The following SLC66A2 variants were observed in gnomAD, a reference collection of about 807,000 sequenced individuals.
SLC66A2 encodes solute carrier family 66 member 2.
Under a neutral mutation model 25.5 loss-of-function variants are expected in SLC66A2, and 23 were observed. The ratio of observed to expected loss-of-function variants is 0.90; its 90% CI spans 0.65 to 1.28. The LOEUF is 1.28. Among genes scored for constraint, SLC66A2 ranks in the 50% most tolerant of loss-of-function variants. SLC66A2 has a pLI of 0.00. For missense variants in SLC66A2, 396 were observed against 373.1 expected, an observed-to-expected ratio of 1.06 and a Z score of -0.51; for synonymous variants, 193 against 166.5, an observed-to-expected ratio of 1.16 and a Z score of -1.23.
chr18:79,924,172 G>T (rs988145397), intron 4 of SLC66A2, among the ~76,000 whole-genome samples: 1 of 152,196 alleles, frequency 6.6e-6, no homozygotes, highest in Non-Finnish European at 1.5e-5. Context: ...GGCACGAGGC[G>T]AGGCAGCTGA....
At chr18:79,938,004 A>G (rs1232041557) in intron 3 of SLC66A2, among the ~76,000 whole-genome samples, 2 of 152,066 alleles carry the variant, frequency 1.3e-5, no homozygotes, top group Admixed American at 6.6e-5. Context: ...TGCCAGACAC[A>G]GGGGCTCACA....
Position 79,950,804 on chromosome 18 carries a change from G to GCGAATGTCC in SLC66A2, c.114_122dup (p.Asp39_Arg41dup). On this transcript the variant is annotated inframe_insertion, in exon 2 of 6. Coordinates refer to ENST00000397778, the MANE Select transcript of SLC66A2 (RefSeq NM_025078.5). The stretch of plus-strand genomic sequence containing the variant: ...AGAAGCCGTCGGCGTTCTGCGTCCT[G>GCGAATGTCC]CGAATGTCCCGATACTGCGGGACGT... The GCGAATGTCC allele has an allele frequency of 6.2e-7, 1 of 1,613,110 alleles. No individual in the cohort carries two copies. Among genetic ancestry groups the GCGAATGTCC allele is most frequent in the East Asian group, 2.2e-5 (1 of 44,874 alleles).
chr18:79,945,919 G>A (rs1361223142), intron 2 of SLC66A2, among the ~76,000 whole-genome samples: 1 of 152,214 alleles, frequency 6.6e-6, no homozygotes, highest in Non-Finnish European at 1.5e-5. Context: ...GGTGACGCTG[G>A]GCAAGCATCT....
At chr18:79,933,173 C>G (rs915043600) in intron 4 of SLC66A2, among the ~76,000 whole-genome samples, 1 of 152,136 alleles carries the variant, frequency 6.6e-6, no homozygotes, top group African/African-American at 2.4e-5. Flanking sequence ...AGTACATCAT[C>G]ATAGTAGAAT....
rs1233091879 is a variant in SLC66A2, at chr18:79,951,574, T to C, written c.-100+7A>G. On this transcript the variant is annotated splice_region_variant and intron_variant, in intron 1 of 5. Transcript: ENST00000397778. ...CGAGGACCCCGCGCCGCCCCCGCGCTCCTTACCTGCGCCCCCAGCCCCGCG... is the reference window on the plus strand; with the variant it reads ...CGAGGACCCCGCGCCGCCCCCGCGCCCCTTACCTGCGCCCCCAGCCCCGCG... 1.3e-5 allele frequency: 2 copies of C among 150,736 alleles called. No individual in the cohort carries two copies. The highest frequency in any genetic ancestry group is 6.6e-5 in the Admixed American group (1 of 15,114). 9.3% of individuals were successfully genotyped at this position (150,736 alleles called of 1,614,324 possible). A position where few individuals can be genotyped will look rare whatever the true frequency, so the allele number is the denominator to read the frequency against.
intron 2 of SLC66A2, among the ~76,000 whole-genome samples, chr18:79,946,983 C>A (rs553562474): frequency 6.6e-6 from 1 of 152,100 alleles, no homozygotes; most frequent in Non-Finnish European, 1.5e-5. Flanking sequence ...AAAAATCCAG[C>A]AGAAGAGAAG....
Position 79,903,939 on chromosome 18 carries a change from C to G in SLC66A2, c.*37G>C, listed in dbSNP as rs755780741. 6.4e-6 allele frequency: 10 copies of G among 1,554,584 alleles called. No homozygotes were observed. The highest frequency in any genetic ancestry group is 7.8e-6 in the Non-Finnish European group (9 of 1,151,410). The stretch of plus-strand genomic sequence containing the variant: ...GGGGAGGTCAGGGCCCACCAGTGCC[C>G]GCGGCTGGCGGTCCCACATCCTCGT... On this transcript the variant is annotated 3_prime_UTR_variant, in exon 6 of 6. Coordinates refer to ENST00000397778, the MANE Select transcript of SLC66A2 (RefSeq NM_025078.5).
intron 5 of SLC66A2, among the ~76,000 whole-genome samples, chr18:79,908,036 C>T (rs1246289482): frequency 6.6e-6 from 1 of 152,138 alleles, no homozygotes; most frequent in East Asian, 1.9e-4. Flanking sequence ...TTGGACTTGT[C>T]ACGTACAGCT....
chr18:79,945,866 C>G (rs566338573), intron 2 of SLC66A2, among the ~76,000 whole-genome samples: 131 of 152,360 alleles, frequency 8.6e-4, no homozygotes, highest in African/African-American at 3.1e-3. Context: ...ACCAAGCGGC[C>G]TGGGTGCCGG....
intron 2 of SLC66A2, 81 bp from the exon 3 acceptor site, chr18:79,943,543 G>C: frequency 6.6e-7 from 1 of 1,525,060 alleles, no homozygotes; most frequent in South Asian, 1.2e-5. Context: ...GGAGAGACCC[G>C]GGTCAGGAGG....
chr18:79,926,324 C>CT (rs1985943675), intron 4 of SLC66A2, among the ~76,000 whole-genome samples: 1 of 152,114 alleles, frequency 6.6e-6, no homozygotes, highest in African/African-American at 2.4e-5. Context: ...GAGTCCTTTC[C>CT]TGGGGTCTGG....
chr18:79,906,185 AAAG>A (rs1365858578), intron 5 of SLC66A2, among the ~76,000 whole-genome samples: 1 of 152,186 alleles, frequency 6.6e-6, no homozygotes. Context: ...GATTTGTTCC[AAAG>A]AACCAGCTTT....
At chr18:79,915,507 G>C (rs1375996883) in intron 5 of SLC66A2, 2 of 152,272 alleles carry the variant, frequency 1.3e-5, no homozygotes, top group African/African-American at 2.4e-5. Context: ...GGCTGACCTC[G>C]CTGCCTACTT....
At chr18:79,921,987 G>A (rs1248214736) in intron 4 of SLC66A2, among the ~76,000 whole-genome samples, 1 of 150,304 alleles carries the variant, frequency 6.7e-6, no homozygotes, top group Non-Finnish European at 1.5e-5. Context: ...CAGGGAGAGG[G>A]CAGGGTCAGA....
At chr18:79,933,838 G>T in intron 4 of SLC66A2, 131 bp downstream of exon 4, 2 of 745,982 alleles carry the variant, frequency 2.7e-6, no homozygotes, top group Non-Finnish European at 4.6e-6. Context: ...TTAGTTTGCT[G>T]TAGACTCGGC....
At chr18:79,923,778 T>C (rs1985581522) in intron 4 of SLC66A2, among the ~76,000 whole-genome samples, 1 of 152,190 alleles carries the variant, frequency 6.6e-6, no homozygotes, top group South Asian at 2.1e-4. Context: ...CCAGGCGCAG[T>C]GGCTCACACC....
At position 79,918,759 on chromosome 18, in the gene SLC66A2, G is replaced by A. The variant is rs371383144; in HGVS notation, c.608+425C>T. Among the ~76,000 whole-genome samples the A allele has an allele frequency of 1.9e-4, 29 of 152,340 alleles. No individual in the cohort carries two copies. The highest frequency in any genetic ancestry group is 4.8e-4 in the African/African-American group (20 of 41,584). On this transcript the variant is annotated intron_variant, in intron 5 of 5. Coordinates refer to ENST00000397778, the MANE Select transcript of SLC66A2 (RefSeq NM_025078.5). This position sits in a 1 kb window ranked among gnomAD's most constrained non-coding sequence, Gnocchi z 4.0. ...CCACATACCTCAGAGGCCGGAGGCC[G>A]TGCTGGGGCCAGTGGGGAAAGACCG... is the stretch of plus-strand genomic sequence containing the variant.
chr18:79,943,515 A>C, intron 2 of SLC66A2, 53 bp from the exon 3 acceptor site: 2 of 1,587,772 alleles, frequency 1.3e-6, no homozygotes, highest in Non-Finnish European at 1.7e-6. Context: ...CACTTCTCCC[A>C]GTCCCGAACC....
In SLC66A2 at chr18:79,918,734, C is replaced by G. The variant is rs1984594146; in HGVS notation, c.608+450G>C. ...GAACGTCAGCCTGCCCAGCCTTCTA[C>G]CACATACCTCAGAGGCCGGAGGCCG... is the stretch of plus-strand genomic sequence containing the variant. On this transcript the variant is annotated intron_variant, in intron 5 of 5. Transcript: ENST00000397778. This position sits in a 1 kb window ranked among gnomAD's most constrained non-coding sequence, Gnocchi z 4.0. Among the ~76,000 whole-genome samples, 1 of 152,208 alleles carries G rather than the reference C, an allele frequency of 6.6e-6. No homozygotes were observed. Among genetic ancestry groups the G allele is most frequent in the Admixed American group, 6.5e-5 (1 of 15,292 alleles).
Sources: gnomAD v4.1 joint callset for allele counts (sites outside exome capture counted in the v4.1 genomes callset) on GRCh38, gnomAD v4.1.1 for gene constraint, Gnocchi (gnomAD v3.1) non-coding constraint, MANE v1.5 for transcripts, NCBI Gene and HGNC (gene_info 2026-07-23, HGNC 2026-07-21) for gene names.